Variants in NSMCE4A observed in about 807,000 individuals in gnomAD.
NSMCE4A encodes the protein NSE4A component of SMC5/6 complex, also known as non-structural maintenance of chromosomes element 4 homolog A.
A neutral mutation model predicts 47.9 loss-of-function variants in NSMCE4A; 40 were observed. That is an observed-to-expected ratio of 0.83 (90% CI 0.65 to 1.09). The LOEUF is 1.09. NSMCE4A is among the 50% of genes least tolerant of loss of function. The probability of loss-of-function intolerance (pLI) is 0.00; values close to 1 mark genes in which losing one functional copy is unlikely to be tolerated. For missense variants in NSMCE4A, 500 were observed against 507.0 expected (o/e 0.99, Z 0.13); for synonymous variants, 166 against 178.5 (o/e 0.93, Z 0.56).
intron 4 of NSMCE4A, 95 bp downstream of exon 4, chr10:121,967,560 C>G: frequency 7.6e-7 from 1 of 1,310,112 alleles, no homozygotes; most frequent in South Asian, 1.5e-5. Context: ...TCATGACTGT[C>G]ACCTCTACAA....
Position 121,975,189 on chromosome 10 carries a change from C to G in NSMCE4A, c.-24G>C, listed in dbSNP as rs935459631. On this transcript the variant is annotated 5_prime_UTR_variant, in exon 1 of 11. Transcript: ENST00000369023. Reference sequence around the variant, plus strand: ...ATAGCGCCAATTCACCGTGCAACTTCGGAACGGCGGAAGTTCGCGCCAGAA... The same window carrying G: ...ATAGCGCCAATTCACCGTGCAACTTGGGAACGGCGGAAGTTCGCGCCAGAA... 1 of 1,353,220 alleles carries G rather than the reference C, an allele frequency of 7.4e-7. No individual in the cohort carries two copies. The highest frequency in any genetic ancestry group is 1.5e-5 in the African/African-American group (1 of 65,016). 83.8% of individuals were successfully genotyped at this position (1,353,220 alleles called of 1,614,324 possible). A position where few individuals can be genotyped will look rare whatever the true frequency, so the allele number is the denominator to read the frequency against.
chr10:121,963,530 A>G (rs1952541546), intron 5 of NSMCE4A, among the ~76,000 whole-genome samples: 1 of 151,670 alleles, frequency 6.6e-6, no homozygotes, highest in Admixed American at 6.6e-5. Flanking sequence ...TCCTGTGCTC[A>G]AGGGATCCTA....
At chr10:121,965,417 T>C in intron 4 of NSMCE4A, 32 bp from the exon 5 acceptor site, 1 of 1,553,334 alleles carries the variant, frequency 6.4e-7, no homozygotes. Flanking sequence ...TTTATTTTTT[T>C]TGCCTGTTGT....
rs533980514 is a variant in NSMCE4A, at chr10:121,968,707, A to G, written c.502-901T>C. 1.7e-4 allele frequency among the ~76,000 whole-genome samples: 26 copies of G among 152,310 alleles called. 1 individual carries two copies. In the South Asian group the frequency reaches 5.2e-3, roughly 30 times the overall value. ...TAGAAGTTATCCAATTACGATGGCA[A>G]TATCATATATAAACAATAATCACAA... On this transcript the variant is annotated intron_variant, in intron 3 of 10. Transcript: ENST00000369023.
chr10:121,972,452 C>G (rs185757772), intron 2 of NSMCE4A, among the ~76,000 whole-genome samples: 12 of 152,276 alleles, frequency 7.9e-5, no homozygotes, highest in Non-Finnish European at 1.5e-4. Flanking sequence ...CACTCCCTTC[C>G]CCTTTCATTT....
intron 3 of NSMCE4A, among the ~76,000 whole-genome samples, chr10:121,970,673 C>T (rs1470035546): frequency 2.0e-5 from 3 of 151,892 alleles, no homozygotes; most frequent in South Asian, 4.1e-4. Context: ...CACCAGTGAA[C>T]AGAGGAAAAA....
At chr10:121,962,047 T>C (rs188326084) in intron 6 of NSMCE4A, 17 of 358,840 alleles carry the variant, frequency 4.7e-5, no homozygotes, top group African/African-American at 2.8e-4. Flanking sequence ...GAGGTGGAGG[T>C]TGCAGTGAGT....
Position 121,974,089 on chromosome 10 carries a change from T to A in NSMCE4A, c.293-8A>T. Reference sequence around the variant, plus strand: ...GTATGTCCTCACGGTTTTCTATTTTTAAAAATACAAACTTTGGGAAATTTG... The same window carrying A: ...GTATGTCCTCACGGTTTTCTATTTTAAAAAATACAAACTTTGGGAAATTTG... On this transcript the variant is annotated splice_region_variant and splice_polypyrimidine_tract_variant and intron_variant, in intron 1 of 10. Coordinates refer to ENST00000369023, the MANE Select transcript of NSMCE4A (RefSeq NM_017615.3). 1 of 1,591,496 alleles carries A rather than the reference T, an allele frequency of 6.3e-7. No individual in the cohort carries two copies. The highest frequency in any genetic ancestry group is 1.7e-5 in the Admixed American group (1 of 58,680).
At chr10:121,958,624 G>A (rs1209484935) in intron 10 of NSMCE4A, among the ~76,000 whole-genome samples, 2 of 152,124 alleles carry the variant, frequency 1.3e-5, no homozygotes, top group Admixed American at 6.6e-5. Flanking sequence ...TGGGGGAAAA[G>A]CAGCAGCTGG....
At chr10:121,964,508 A>C (rs561304934) in intron 5 of NSMCE4A, among the ~76,000 whole-genome samples, 3 of 151,850 alleles carry the variant, frequency 2.0e-5, no homozygotes, top group East Asian at 3.9e-4. Context: ...CAGTGGCATG[A>C]TCTCGGCTCA....
chr10:121,974,961 C>T lies in NSMCE4A; in HGVS notation c.205G>A (p.Asp69Asn), dbSNP rs372508487. The change falls in exon 1 of 11, where the codon GAC becomes AAC. Residue 69 changes from aspartate (D) to asparagine (N), a missense_variant. Transcript: ENST00000369023. ...EPSDSGDEMM[D>N]PASLEAEADQ... ...GCCTCCGCCTCCAAGCTGGCCGGGT[C>T]CATCATCTCGTCCCCGGAATCCGAC... 7 of 1,530,958 alleles carry T rather than the reference C, an allele frequency of 4.6e-6. No individual in the cohort carries two copies. In the African/African-American group the frequency reaches 8.6e-5, roughly 19 times the overall value. The allele number at this position is 1,530,958 out of a possible 1,614,324, so 94.8% of individuals were successfully genotyped here. A position where few individuals can be genotyped will look rare whatever the true frequency, so the allele number is the denominator to read the frequency against.
rs1205871484 is a variant in NSMCE4A at position 121,975,080 on chromosome 10, C to G, written c.86G>C (p.Arg29Pro). The G allele has an allele frequency of 4.2e-6, 6 of 1,440,202 alleles. No individual in the cohort carries two copies. The highest frequency in any genetic ancestry group is 1.5e-5 in the African/African-American group (1 of 66,480). 89.2% of individuals were successfully genotyped at this position (1,440,202 alleles called of 1,614,324 possible). ...CCTGGGCGACAAAGGGGACCGCGAG[C>G]GGGAGCGGGAGCGGGTGCGATCCCG... ...PHRDRTRSRS[R>P]SRSPLSPRSR... The change falls in exon 1 of 11, where the codon CGC becomes CCC. Residue 29 changes from arginine (R) to proline (P), a missense_variant. Transcript: ENST00000369023.
chr10:121,970,444 C>T (rs1450521811), intron 3 of NSMCE4A, among the ~76,000 whole-genome samples: 1 of 145,236 alleles, frequency 6.9e-6, no homozygotes, highest in Non-Finnish European at 1.5e-5. Flanking sequence ...TGCACTCCAG[C>T]CTGGGCGACA....
rs142887187 is a variant in NSMCE4A, at chr10:121,971,091, T to C, written c.371-22A>G. ...GACACTATTCAAAAAAGAAAGAAAATATTCACATTACAAAATACACATTAT... is the reference window on the plus strand; with the variant it reads ...GACACTATTCAAAAAAGAAAGAAAACATTCACATTACAAAATACACATTAT... On this transcript the variant is annotated intron_variant, in intron 2 of 10. Coordinates refer to ENST00000369023, the MANE Select transcript of NSMCE4A (RefSeq NM_017615.3). 320 of 1,597,776 alleles carry C rather than the reference T, an allele frequency of 2.0e-4. No individual in the cohort carries two copies. In the African/African-American group the frequency reaches 3.9e-3, roughly 19 times the overall value.
At chr10:121,967,851 A>G in intron 3 of NSMCE4A, 45 bp from the exon 4 acceptor site, 1 of 1,579,240 alleles carries the variant, frequency 6.3e-7, no homozygotes, top group East Asian at 2.3e-5. Flanking sequence ...AGCCACATGC[A>G]ATCATTTTCC....
At chr10:121,965,851 T>A (rs1952596812) in intron 4 of NSMCE4A, 1 of 153,580 alleles carries the variant, frequency 6.5e-6, no homozygotes, top group South Asian at 2.1e-4. Context: ...GTCACAGCCA[T>A]GGGATTCCTT....
chr10:121,966,216 A>G lies in NSMCE4A; in HGVS notation c.654-831T>C, dbSNP rs540363722. The G allele has an allele frequency of 5.3e-5, 8 of 152,344 alleles. No individual in the cohort carries two copies. In the East Asian group the frequency reaches 1.5e-3, roughly 29 times the overall value. 9.4% of individuals were successfully genotyped at this position (152,344 alleles called of 1,614,324 possible). On this transcript the variant is annotated intron_variant, in intron 4 of 10. Coordinates refer to ENST00000369023, the MANE Select transcript of NSMCE4A (RefSeq NM_017615.3). ...AGACATGGGAGTGACGTGGTTGAGA[A>G]ATCTGATCCTACACTGCTAACACCT...
At chr10:121,970,609 G>A (rs910704424) in intron 3 of NSMCE4A, among the ~76,000 whole-genome samples, 5 of 152,198 alleles carry the variant, frequency 3.3e-5, no homozygotes, top group African/African-American at 9.6e-5. Context: ...ATCGCAGAGT[G>A]GGCTTTTGTC....
At chr10:121,965,156 G>A (rs1952582669) in intron 5 of NSMCE4A, 130 bp downstream of exon 5, 1 of 613,568 alleles carries the variant, frequency 1.6e-6, no homozygotes, top group South Asian at 2.2e-5. Flanking sequence ...TAAATAAAAT[G>A]ATTATTTAAG....
Sources: gnomAD v4.1 joint callset for allele counts (sites outside exome capture counted in the v4.1 genomes callset) on GRCh38, gnomAD v4.1.1 for gene constraint, MANE v1.5 for transcripts, NCBI Gene and HGNC (gene_info 2026-07-23, HGNC 2026-07-21) for gene names.